ERC2: variants seen among roughly 807,000 people sequenced by gnomAD.
The protein encoded by ERC2 is ELKS/RAB6-interacting/CAST family member 2.
In ERC2, 42 loss-of-function variants were observed where a neutral mutation model predicts 114.8. That is an observed-to-expected ratio of 0.37 (90% CI 0.29 to 0.47). The LOEUF is 0.47. Among genes scored for constraint, ERC2 ranks in the 20% least tolerant of loss-of-function variants. ERC2 has a pLI of 0.99. For synonymous variants in ERC2, 454 were observed against 425.5 expected (o/e 1.07, Z -0.82); for missense variants, 939 against 1,150.7 (o/e 0.82, Z 2.66).
chr3:56,266,761 G>A (rs1160951076), intron 3 of ERC2, among the ~76,000 whole-genome samples: 1 of 152,080 alleles, frequency 6.6e-6, no homozygotes, highest in East Asian at 1.9e-4. Context: ...ACAAACAAGA[G>A]GTAACAAATG....
chr3:55,733,832 C>G (rs1465776625), intron 15 of ERC2, among the ~76,000 whole-genome samples: 1 of 152,272 alleles, frequency 6.6e-6, no homozygotes, highest in Admixed American at 6.5e-5. Flanking sequence ...CACATGGTTA[C>G]TGTGTGGCCA....
intron 13 of ERC2, among the ~76,000 whole-genome samples, chr3:55,942,990 T>C (rs890596382): frequency 7.9e-5 from 12 of 152,346 alleles, no homozygotes; most frequent in East Asian, 3.9e-4. Flanking sequence ...CAGCATCTAT[T>C]TGAGCTATTG....
chr3:56,238,792 T>C (rs1392500753), intron 3 of ERC2, among the ~76,000 whole-genome samples: 5 of 152,254 alleles, frequency 3.3e-5, no homozygotes, highest in Non-Finnish European at 7.3e-5. Flanking sequence ...GGACCTGCTC[T>C]ACAAAATCAT....
At chr3:55,667,901 T>G (rs1559473844) in intron 17 of ERC2, among the ~76,000 whole-genome samples, 1 of 152,168 alleles carries the variant, frequency 6.6e-6, no homozygotes, top group Non-Finnish European at 1.5e-5. Flanking sequence ...TCAGCACTAT[T>G]GAATCTAGGG....
chr3:56,418,933 G>A (rs1294858668), intron 2 of ERC2, among the ~76,000 whole-genome samples: 2 of 152,192 alleles, frequency 1.3e-5, no homozygotes, highest in Non-Finnish European at 2.9e-5. Flanking sequence ...GGCTCTTCCA[G>A]AAAGGTAAAT....
chr3:55,789,443 C>T (rs1250848767), intron 14 of ERC2, among the ~76,000 whole-genome samples: 2 of 152,204 alleles, frequency 1.3e-5, no homozygotes, highest in Non-Finnish European at 2.9e-5. Flanking sequence ...TCCCAAGTCT[C>T]TTAGCAATTT....
At chr3:55,898,080 C>T (rs919039942) in intron 13 of ERC2, among the ~76,000 whole-genome samples, 1 of 152,128 alleles carries the variant, frequency 6.6e-6, no homozygotes, top group Non-Finnish European at 1.5e-5. Context: ...AAACTTCACA[C>T]CATAATAAAA....
chr3:55,810,264 T>C (rs2059663993), intron 14 of ERC2, among the ~76,000 whole-genome samples: 1 of 152,228 alleles, frequency 6.6e-6, no homozygotes, highest in African/African-American at 2.4e-5. Flanking sequence ...TATAATGTCA[T>C]CAACCCAAAA....
chr3:55,604,119 C>A (rs898068269), intron 17 of ERC2, among the ~76,000 whole-genome samples: 9 of 152,052 alleles, frequency 5.9e-5, no homozygotes, highest in Non-Finnish European at 1.5e-5. Context: ...TTCAACAAAT[C>A]CTTTCAGACT....
intron 17 of ERC2, among the ~76,000 whole-genome samples, chr3:55,621,042 T>C (rs556464870): frequency 6.6e-6 from 1 of 152,190 alleles, no homozygotes; most frequent in Admixed American, 6.5e-5. Context: ...GATGGTTGCA[T>C]GCAAAAATAG....
At chr3:56,173,394 A>G in intron 4 of ERC2, 52 bp downstream of exon 4, 2 of 1,540,256 alleles carry the variant, frequency 1.3e-6, no homozygotes, top group Non-Finnish European at 9.0e-7. Flanking sequence ...CCACCAAGTT[A>G]GAACAAACTC....
chr3:56,059,019 G>A (rs2149702189), intron 7 of ERC2, among the ~76,000 whole-genome samples: 1 of 152,216 alleles, frequency 6.6e-6, no homozygotes, highest in Middle Eastern at 3.4e-3. Flanking sequence ...TAGAAAGCCA[G>A]AAAATTATAA....
chr3:55,819,573 G>T (rs1015727656), intron 14 of ERC2, among the ~76,000 whole-genome samples: 3 of 152,192 alleles, frequency 2.0e-5, no homozygotes, highest in African/African-American at 7.2e-5. Flanking sequence ...TATTTTGGCA[G>T]ATTCCATAAA....
intron 13 of ERC2, 44 bp downstream of exon 13, chr3:55,950,381 C>T (rs2149443829): frequency 1.2e-6 from 2 of 1,606,106 alleles, no homozygotes; most frequent in African/African-American, 1.3e-5. Flanking sequence ...TGAGAGAGTC[C>T]ATCTCTAGTT....
chr3:56,205,032 C>T (rs2048638603), intron 3 of ERC2, among the ~76,000 whole-genome samples: 1 of 151,956 alleles, frequency 6.6e-6, no homozygotes, highest in Admixed American at 6.6e-5. Context: ...AGTACTTTCA[C>T]ATAAACTCTT....
chr3:55,914,955 C>G (rs1322810946), intron 13 of ERC2, among the ~76,000 whole-genome samples: 3 of 152,062 alleles, frequency 2.0e-5, no homozygotes, highest in Non-Finnish European at 4.4e-5. Context: ...AAGATAGAAC[C>G]AAAGATTTTA....
intron 17 of ERC2, among the ~76,000 whole-genome samples, chr3:55,598,306 AGC>A (rs2058244897): frequency 6.6e-6 from 1 of 152,254 alleles, no homozygotes; most frequent in African/African-American, 2.4e-5. Flanking sequence ...ACTCAAAATC[AGC>A]TGTGTGGCCA....
intron 6 of ERC2, among the ~76,000 whole-genome samples, chr3:56,088,597 A>T (rs1361841517): frequency 1.3e-5 from 2 of 152,092 alleles, no homozygotes; most frequent in Non-Finnish European, 2.9e-5. Flanking sequence ...AAGAGGAAAG[A>T]TCCCCTTAAG....
chr3:55,809,686 A>G (rs529806040), intron 14 of ERC2, among the ~76,000 whole-genome samples: 3 of 152,324 alleles, frequency 2.0e-5, no homozygotes, highest in Non-Finnish European at 1.5e-5. Flanking sequence ...CCATTTGTCT[A>G]TCAACACAAC....
Sources: gnomAD v4.1 joint callset for allele counts (sites outside exome capture counted in the v4.1 genomes callset) on GRCh38, gnomAD v4.1.1 for gene constraint, MANE v1.5 for transcripts, NCBI Gene and HGNC (gene_info 2026-07-23, HGNC 2026-07-21) for gene names.